Variants in ANK2 observed in about 807,000 individuals in gnomAD.
ANK2 encodes the protein ankyrin 2, also known as ankyrin-2.
Under a neutral mutation model 360.5 loss-of-function variants are expected in ANK2, and 83 were observed. The observed-to-expected ratio is 0.23, with a 90% CI of 0.19 to 0.28. The LOEUF (loss-of-function observed/expected upper bound fraction) is 0.28. ANK2 is among the 10% of genes least tolerant of loss of function. ANK2 has a pLI of 1.00. For missense variants in ANK2, 4,201 were observed against 4,795.7 expected (o/e 0.88, Z 3.66); for synonymous variants, 1,740 against 1,759.5 (o/e 0.99, Z 0.28).
Position 112,945,725 on chromosome 4 carries a change from A to G in ANK2, c.21+41211A>G, listed in dbSNP as rs144626261. 4.7e-4 allele frequency among the ~76,000 whole-genome samples: 72 copies of G among 152,338 alleles called. 1 individual carries two copies. In the East Asian group the frequency reaches 0.012, roughly 25 times the overall value. On this transcript the variant is annotated intron_variant, in intron 2 of 30. Coordinates refer to the ANK2 transcript ENST00000503271. ...CAACAGACTCCAGTTTGAAAAATAT[A>G]ACCATATAGTCTTTATCATGAGTGA...
At chr4:113,154,968 C>G (rs1279231714) in intron 1 of ANK2, among the ~76,000 whole-genome samples, 1 of 152,174 alleles carries the variant, frequency 6.6e-6, no homozygotes, top group Non-Finnish European at 1.5e-5. Context: ...GGGACCAGAT[C>G]TATTCTACCC....
intron 1 of ANK2, among the ~76,000 whole-genome samples, chr4:113,130,875 A>G (rs72892038): frequency 6.6e-6 from 1 of 152,166 alleles, no homozygotes; most frequent in Non-Finnish European, 1.5e-5. Context: ...CAACACATAG[A>G]TTGTACCAAT....
At chr4:113,258,505 C>T in intron 13 of ANK2, 94 bp downstream of exon 13, 8 of 1,230,560 alleles carry the variant, frequency 6.5e-6, no homozygotes, top group Non-Finnish European at 9.6e-6. Context: ...TGTATGTCAT[C>T]GAAGTAAGCA....
chr4:113,048,343 G>C (rs559540604), upstream of ANK2, among the ~76,000 whole-genome samples: 86 of 123,176 alleles, frequency 7.0e-4, no homozygotes, highest in Non-Finnish European at 1.2e-3. Flanking sequence ...CGAGGCTGGA[G>C]TGCACTGGGG....
At chr4:113,343,262 A>G (rs1479026354) in intron 34 of ANK2, 120 bp downstream of exon 34, 1 of 1,161,902 alleles carries the variant, frequency 8.6e-7, no homozygotes, top group East Asian at 2.5e-5. Flanking sequence ...TTTTAACCAT[A>G]TTTGTAACGT....
At chr4:112,993,644 C>T (rs2047602156) in intron 2 of ANK2, among the ~76,000 whole-genome samples, 1 of 151,594 alleles carries the variant, frequency 6.6e-6, no homozygotes, top group South Asian at 2.1e-4. Context: ...ACTGTGAGTG[C>T]TAGGAGCATT....
At chr4:113,101,260 ATAAT>A (rs1382779840) in intron 1 of ANK2, among the ~76,000 whole-genome samples, 1 of 152,166 alleles carries the variant, frequency 6.6e-6, no homozygotes, top group African/African-American at 2.4e-5. Flanking sequence ...TAAATGTATC[ATAAT>A]TAGTTTTTTA....
intron 2 of ANK2, among the ~76,000 whole-genome samples, chr4:112,949,437 G>A (rs760137253): frequency 1.3e-5 from 2 of 152,120 alleles, no homozygotes; most frequent in Non-Finnish European, 2.9e-5. Context: ...TGGAGATGAT[G>A]GATCTATTGA....
the ANK2 span, among the ~76,000 whole-genome samples, chr4:112,730,252 CAA>C: frequency 0.024 from 1,224 of 50,784 alleles, 2 homozygotes; most frequent in African/African-American, 0.095. Flanking sequence ...GACTCTGTCT[CAA>C]AAAAAAAAAA....
At chr4:113,165,789 G>T (rs1011441708) in intron 1 of ANK2, among the ~76,000 whole-genome samples, 1 of 152,082 alleles carries the variant, frequency 6.6e-6, no homozygotes, top group African/African-American at 2.4e-5. Context: ...TGTAGCTGAG[G>T]CCTCTCAAAG....
intron 7 of ANK2, among the ~76,000 whole-genome samples, chr4:113,238,595 T>G (rs2099401921): frequency 6.6e-6 from 1 of 152,234 alleles, no homozygotes; most frequent in South Asian, 2.1e-4. Flanking sequence ...TCAATACCTT[T>G]AATTTCTTAG....
chr4:113,363,540 T>C (rs1330648907), intron 40 of ANK2, 71 bp downstream of exon 40: 53 of 1,570,386 alleles, frequency 3.4e-5, no homozygotes, highest in Non-Finnish European at 4.6e-5. Context: ...ATCTTGCAAA[T>C]TCAGTAGAAT....
At chr4:112,966,775 T>TA (rs939857800) in intron 2 of ANK2, among the ~76,000 whole-genome samples, 2 of 152,198 alleles carry the variant, frequency 1.3e-5, no homozygotes, top group African/African-American at 4.8e-5. Flanking sequence ...TTTTAAATGT[T>TA]AAAAAAATCT....
At chr4:112,875,140 GC>G (rs1159937350) in intron 1 of ANK2, among the ~76,000 whole-genome samples, 4 of 151,592 alleles carry the variant, frequency 2.6e-5, no homozygotes, top group Admixed American at 6.6e-5. Context: ...TTGTGCCTCA[GC>G]CTCCTCAGTA....
the ANK2 span, among the ~76,000 whole-genome samples, chr4:112,743,735 G>A: frequency 6.6e-6 from 1 of 151,642 alleles, no homozygotes; most frequent in African/African-American, 2.4e-5. Context: ...AGTAGAAACG[G>A]GGTTTCACCA....
In ANK2 at chr4:113,212,141, T is replaced by G. The variant is rs555499795; in HGVS notation, c.384+13032T>G. On this transcript the variant is annotated intron_variant, in intron 4 of 45. Coordinates refer to ENST00000357077, the MANE Select transcript of ANK2 (RefSeq NM_001148.6). ...AACTGAGAGTTTAGGTAACTGCCTA[T>G]GTACCAAAAGTGATTTGATTTAAAC... Among the ~76,000 whole-genome samples, 7 of 152,360 alleles carry G rather than the reference T, an allele frequency of 4.6e-5. 1 individual carries two copies. The highest frequency in any genetic ancestry group is 1.7e-4 in the African/African-American group (7 of 41,592).
rs553173806 is a variant in ANK2 at position 113,311,748 on chromosome 4, T to C, written c.2693+349T>C. 1.8e-4 allele frequency among the ~76,000 whole-genome samples: 27 copies of C among 152,346 alleles called. No homozygotes were observed. The East Asian group carries it at 4.0e-3, about 23-fold the overall frequency. On this transcript the variant is annotated intron_variant, in intron 24 of 45. Coordinates refer to ENST00000357077, the MANE Select transcript of ANK2 (RefSeq NM_001148.6). ...AATTTTGCCTTATAGACATTCTTAC[T>C]GAGCGGCATCACAGACACTTTGGAT...
the ANK2 span, among the ~76,000 whole-genome samples, chr4:112,735,156 G>A: frequency 6.6e-6 from 1 of 152,078 alleles, no homozygotes; most frequent in African/African-American, 2.4e-5. Context: ...AGGCTGAGGT[G>A]GGTGGATCCT....
chr4:112,764,406 G>T, the ANK2 span, among the ~76,000 whole-genome samples: 6 of 151,852 alleles, frequency 4.0e-5, no homozygotes, highest in Admixed American at 2.6e-4. Context: ...CCCGATCTCG[G>T]CTCATTGCAA....
Sources: allele counts gnomAD v4.1 joint callset (sites outside exome capture counted in the v4.1 genomes callset), GRCh38; gene constraint gnomAD v4.1.1; transcripts MANE v1.5; gene names NCBI Gene and HGNC (gene_info 2026-07-23, HGNC 2026-07-21).